SASH1: variants seen among roughly 807,000 people sequenced by gnomAD.
The protein encoded by SASH1 is SAM and SH3 domain-containing protein 1.
In SASH1, 44 loss-of-function variants were observed where a neutral mutation model predicts 125.2. That is an observed-to-expected ratio of 0.35 (90% CI 0.28 to 0.45). The LOEUF is 0.45. Among genes scored for constraint, SASH1 ranks in the 20% least tolerant of loss-of-function variants. The probability of loss-of-function intolerance (pLI) is 1.00; values close to 1 mark genes in which losing one functional copy is unlikely to be tolerated. For synonymous variants in SASH1, 639 were observed against 649.1 expected (o/e 0.98, Z 0.24); for missense variants, 1,426 against 1,614.5 (o/e 0.88, Z 2.00).
intron 8 of SASH1, among the ~76,000 whole-genome samples, chr6:148,492,656 A>G (rs1779153834): frequency 1.3e-5 from 2 of 151,946 alleles, no homozygotes. Flanking sequence ...GGTCTCTACA[A>G]AAATACAATA....
chr6:148,425,707 CTCCCATCCCCCTCTCCCT>C (rs1285976960), intron 2 of SASH1, among the ~76,000 whole-genome samples: 4,461 of 123,630 alleles, frequency 0.036, 120 homozygotes, highest in Non-Finnish European at 0.057. Context: ...CCCTTCTCCC[CTCCCATCCCCCTCTCCCT>C]TCCCCTCCCC....
chr6:148,513,076 A>G (rs1312911095), intron 8 of SASH1: 1 of 985,264 alleles, frequency 1.0e-6, no homozygotes, highest in Non-Finnish European at 1.2e-6. Context: ...AATGCATAGA[A>G]ACTCTACTTC....
Position 148,546,138 on chromosome 6 carries a change from C to T in SASH1, c.3472C>T (p.Arg1158Cys), listed in dbSNP as rs752157549. ...GGTGAAGCAGCTTCGGAAGCAGCAC[C>T]GCATGGCGGTGAGCAGCCCACAGTT... The part of the protein sequence containing the change: ...IRVKQLRKQH[R>C]MAIPSGGLTE... Residue 1158 changes from arginine to cysteine, a missense_variant, in exon 19 of 20, where the codon CGC (arginine) becomes TGC (cysteine). Arg to Cys is a radical substitution (Grantham distance 180). This residue lies in a region of SASH1 where 634 missense variants were observed against 694.4 expected (regional missense o/e 0.91). Transcript: ENST00000367467. The T allele has an allele frequency of 8.7e-6, 14 of 1,613,986 alleles. No individual in the cohort carries two copies. Among genetic ancestry groups the T allele is most frequent in the East Asian group, 4.5e-5 (2 of 44,888 alleles).
At chr6:148,404,547 C>T (rs1784298162) in intron 2 of SASH1, among the ~76,000 whole-genome samples, 1 of 147,626 alleles carries the variant, frequency 6.8e-6, no homozygotes, top group East Asian at 2.0e-4. Context: ...TACTACCCAC[C>T]CCCAGCCCAG....
At chr6:148,542,733 A>G (rs981469902) in intron 17 of SASH1, among the ~76,000 whole-genome samples, 4 of 152,222 alleles carry the variant, frequency 2.6e-5, no homozygotes, top group African/African-American at 9.6e-5. Flanking sequence ...TCTTTATGTA[A>G]CAACAATAAT....
chr6:148,236,380 T>C, the SASH1 span, among the ~76,000 whole-genome samples: 1 of 152,006 alleles, frequency 6.6e-6, no homozygotes, highest in Non-Finnish European at 1.5e-5. Context: ...GCCTGGCTAA[T>C]TTTTGTATTT....
At chr6:148,200,414 C>G in the SASH1 span, among the ~76,000 whole-genome samples, 2 of 152,166 alleles carry the variant, frequency 1.3e-5, no homozygotes, top group Non-Finnish European at 2.9e-5. Context: ...CTCTGCAGCT[C>G]ACAGAGCGAG....
intron 1 of SASH1, among the ~76,000 whole-genome samples, chr6:148,272,988 G>A (rs1779099923): frequency 6.6e-6 from 1 of 152,110 alleles, no homozygotes; most frequent in Non-Finnish European, 1.5e-5. Context: ...GGCTGAACAT[G>A]GGGGCTCATG....
Position 148,390,265 on chromosome 6 carries a change from G to A in SASH1, c.285+3G>A, listed in dbSNP as rs1224703634. 26 of 1,610,338 alleles carry A rather than the reference G, an allele frequency of 1.6e-5. No individual in the cohort carries two copies. The highest frequency in any genetic ancestry group is 2.1e-5 in the Non-Finnish European group (25 of 1,178,820). ...GGGTTTCCCAGGACCTGGAAGTGGT[G>A]AGTGGGGGTCCTGGGAATATGCTTC... On this transcript the variant is annotated splice_donor_region_variant and intron_variant, in intron 2 of 19. Coordinates refer to ENST00000367467, the MANE Select transcript of SASH1 (RefSeq NM_015278.5).
intron 2 of SASH1, among the ~76,000 whole-genome samples, chr6:148,417,474 A>G (rs1333366290): frequency 6.6e-6 from 1 of 152,206 alleles, no homozygotes. Context: ...AGTCCCAGCT[A>G]CTCGAGAGGC....
Position 148,525,046 on chromosome 6 carries a change from G to A in SASH1, c.1210-245G>A, listed in dbSNP as rs1781054077. 1.1e-5 allele frequency: 5 copies of A among 472,420 alleles called. No homozygotes were observed. In the South Asian group the frequency reaches 1.1e-4, roughly 10 times the overall value. 29.3% of individuals were successfully genotyped at this position (472,420 alleles called of 1,614,324 possible). A position where few individuals can be genotyped will look rare whatever the true frequency, so the allele number is the denominator to read the frequency against. ...TAAAAAAAATGGTTGGTTTTTGCAT[G>A]TTAAGGGGATTCTAGACCTCTGGGG... On this transcript the variant is annotated intron_variant, in intron 10 of 19. Transcript: ENST00000367467.
intron 1 of SASH1, among the ~76,000 whole-genome samples, chr6:148,310,362 A>G (rs1780268859): frequency 2.0e-5 from 3 of 151,746 alleles, no homozygotes; most frequent in Non-Finnish European, 2.9e-5. Context: ...AAAAAGCCTC[A>G]GTGCAAATCT....
intron 2 of SASH1, 76 bp downstream of exon 2, chr6:148,390,338 A>C: frequency 7.0e-7 from 1 of 1,430,846 alleles, no homozygotes; most frequent in South Asian, 1.3e-5. Context: ...TCTTTATCCC[A>C]GTGCTAGCTC....
chr6:148,515,644 G>A (rs1780393059), intron 9 of SASH1, among the ~76,000 whole-genome samples: 1 of 152,106 alleles, frequency 6.6e-6, no homozygotes, highest in South Asian at 2.1e-4. Context: ...TGGTAATTCT[G>A]TTTACATTTG....
At chr6:148,399,084 T>C (rs1784066028) in intron 2 of SASH1, among the ~76,000 whole-genome samples, 1 of 151,554 alleles carries the variant, frequency 6.6e-6, no homozygotes, top group South Asian at 2.1e-4. Flanking sequence ...AACCTTACAC[T>C]TAGGCACTAG....
rs564320571 is a variant in SASH1, at chr6:148,488,844, C to G, written c.729+1129C>G. On this transcript the variant is annotated intron_variant, in intron 8 of 19. Transcript: ENST00000367467. ...TTGTTTTGCTGCTGTTGTTAGCTTG[C>G]AGGGGTTCTTTCTATTTTCTGGATA... is the stretch of plus-strand genomic sequence containing the variant. Among the ~76,000 whole-genome samples the G allele has an allele frequency of 2.6e-5, 4 of 152,186 alleles. 1 individual carries two copies. Among genetic ancestry groups the G allele is most frequent in the Non-Finnish European group, 5.9e-5 (4 of 68,028 alleles).
At chr6:148,334,422 C>T (rs1199473591) in intron 1 of SASH1, among the ~76,000 whole-genome samples, 6 of 81,036 alleles carry the variant, frequency 7.4e-5, no homozygotes, top group Admixed American at 3.0e-4. Context: ...AGCGAGACTC[C>T]GTCTCAAAAA....
chr6:148,351,389 C>T (rs1313391665), intron 1 of SASH1, among the ~76,000 whole-genome samples: 2 of 151,950 alleles, frequency 1.3e-5, no homozygotes, highest in Admixed American at 1.3e-4. Flanking sequence ...CCTTGGGTGT[C>T]TGATGCAAGT....
chr6:148,503,258 A>G lies in SASH1; in HGVS notation c.730-11066A>G, dbSNP rs77525200. Among the ~76,000 whole-genome samples the G allele has an allele frequency of 1.4e-3, 208 of 152,342 alleles. 4 individuals are homozygous for G. In the East Asian group the frequency reaches 0.027, roughly 20 times the overall value. Reference sequence around the variant, plus strand: ...CAGAGCAAGTTGTTGATATGTATCAAAAGTCCTAAAGACACACCCTTTTAC... The same window carrying G: ...CAGAGCAAGTTGTTGATATGTATCAGAAGTCCTAAAGACACACCCTTTTAC... On this transcript the variant is annotated intron_variant, in intron 8 of 19. Transcript: ENST00000367467.
Sources: gnomAD v4.1 joint callset for allele counts (sites outside exome capture counted in the v4.1 genomes callset) on GRCh38, gnomAD v4.1.1 for gene constraint, gnomAD v4.1.1 regional missense constraint, MANE v1.5 for transcripts, NCBI Gene and HGNC (gene_info 2026-07-23, HGNC 2026-07-21) for gene names.